The following ADHFE1 variants were observed in gnomAD, a reference collection of about 807,000 sequenced individuals.
ADHFE1 encodes the protein hydroxyacid-oxoacid transhydrogenase, mitochondrial.
In ADHFE1, 37 loss-of-function variants were observed where a neutral mutation model predicts 54.8. The observed-to-expected ratio is 0.68, with a 90% CI of 0.52 to 0.89. The LOEUF is 0.89. Among genes scored for constraint, ADHFE1 ranks in the 40% least tolerant of loss-of-function variants. ADHFE1 has a pLI of 0.00. For missense variants in ADHFE1, 601 were observed against 591.2 expected (o/e 1.02, Z -0.17); for synonymous variants, 203 against 229.3 (o/e 0.89, Z 1.04).
chr8:66,442,992 G>A (rs1436096057), intron 3 of ADHFE1, 148 bp downstream of exon 3: 4 of 716,664 alleles, frequency 5.6e-6, no homozygotes, highest in Admixed American at 3.5e-5. Context: ...ATTTAGCAAA[G>A]TACCTGGTTG....
chr8:66,443,419 AGGT>A (rs1441489083), intron 3 of ADHFE1, among the ~76,000 whole-genome samples: 3 of 151,924 alleles, frequency 2.0e-5, no homozygotes, highest in Non-Finnish European at 2.9e-5. Flanking sequence ...CTGGGATTAC[AGGT>A]GCACACCACC....
chr8:66,456,511 C>T (rs933770517), intron 10 of ADHFE1, among the ~76,000 whole-genome samples: 15 of 152,164 alleles, frequency 9.9e-5, no homozygotes, highest in African/African-American at 2.4e-4. Flanking sequence ...AGTGAATTAC[C>T]GAGTCTTTGA....
intron 13 of ADHFE1, among the ~76,000 whole-genome samples, chr8:66,461,926 C>T (rs1314833139): frequency 3.3e-5 from 5 of 152,126 alleles, no homozygotes; most frequent in Admixed American, 6.5e-5. Flanking sequence ...AACCCACAAA[C>T]CCTTAATTCT....
At chr8:66,465,951 A>G (rs556254176) in intron 13 of ADHFE1, among the ~76,000 whole-genome samples, 2 of 151,540 alleles carry the variant, frequency 1.3e-5, no homozygotes, top group East Asian at 3.9e-4. Context: ...ATGATTTGCA[A>G]TTTTTTTTAA....
At chr8:66,435,784 T>C (rs982813108) in intron 1 of ADHFE1, among the ~76,000 whole-genome samples, 45 of 151,754 alleles carry the variant, frequency 3.0e-4, no homozygotes, top group African/African-American at 9.4e-4. Context: ...GCTGATTTTA[T>C]TTTTTGTAGA....
At chr8:66,451,176 A>T (rs182906931) in intron 8 of ADHFE1, among the ~76,000 whole-genome samples, 1 of 152,364 alleles carries the variant, frequency 6.6e-6, no homozygotes, top group Admixed American at 6.5e-5. Context: ...GCTAGAAGTC[A>T]TGGCAGGCCA....
Position 66,439,857 on chromosome 8 carries a change from T to A in ADHFE1, c.60-305T>A. 1 of 950,974 alleles carries A rather than the reference T, an allele frequency of 1.1e-6. No individual in the cohort carries two copies. Among genetic ancestry groups the A allele is most frequent in the Non-Finnish European group, 1.4e-6 (1 of 738,728 alleles). The allele number at this position is 950,974 out of a possible 1,614,324, so 58.9% of individuals were successfully genotyped here. A position where few individuals can be genotyped will look rare whatever the true frequency, so the allele number is the denominator to read the frequency against. On this transcript the variant is annotated intron_variant, in intron 1 of 13. Coordinates refer to ENST00000396623, the MANE Select transcript of ADHFE1 (RefSeq NM_144650.3). The surrounding 1 kb of genome is among the most constrained non-coding windows in gnomAD (Gnocchi z 4.4). ...TTCATGGAGACCAGAGACCCCCATC[T>A]TAAACTTGCATGTACCCCCAGAGCG...
chr8:66,439,107 C>A lies in ADHFE1; in HGVS notation c.60-1055C>A. On this transcript the variant is annotated intron_variant, in intron 1 of 13. Transcript: ENST00000396623. This position sits in a 1 kb window ranked among gnomAD's most constrained non-coding sequence, Gnocchi z 4.4. ...GAACCACTAGATGGCAGCCGCGACT[C>A]GCGCCAGCTCTCACTCGCCCCCGCG... 7.0e-6 allele frequency: 6 copies of A among 862,272 alleles called. No individual in the cohort carries two copies. Among genetic ancestry groups the A allele is most frequent in the Non-Finnish European group, 8.4e-6 (6 of 717,654 alleles). The allele number at this position is 862,272 out of a possible 1,614,324, so 53.4% of individuals were successfully genotyped here. A position where few individuals can be genotyped will look rare whatever the true frequency, so the allele number is the denominator to read the frequency against.
chr8:66,453,159 G>A (rs558451846), intron 9 of ADHFE1, among the ~76,000 whole-genome samples: 1 of 152,320 alleles, frequency 6.6e-6, no homozygotes, highest in East Asian at 1.9e-4. Context: ...CAGTGGCACA[G>A]CGGTGGTAGA....
chr8:66,466,385 G>C (rs915036309), intron 13 of ADHFE1, among the ~76,000 whole-genome samples: 1 of 151,924 alleles, frequency 6.6e-6, no homozygotes, highest in African/African-American at 2.4e-5. Flanking sequence ...CTGTGCTTCT[G>C]GTGTTACATC....
chr8:66,468,431 T>A lies in ADHFE1; in HGVS notation c.*79T>A. The A allele has an allele frequency of 8.0e-7, 1 of 1,248,470 alleles. No homozygotes were observed. The highest frequency in any genetic ancestry group is 1.1e-6 in the Non-Finnish European group (1 of 897,594). The allele number at this position is 1,248,470 out of a possible 1,614,324, so 77.3% of individuals were successfully genotyped here. Reference sequence around the variant, plus strand: ...AGCTGATCTAGCTAGGGCTTTGTCTTTTCATCTTTGCGCATAACTTACCTG... The same window carrying A: ...AGCTGATCTAGCTAGGGCTTTGTCTATTCATCTTTGCGCATAACTTACCTG... On this transcript the variant is annotated 3_prime_UTR_variant, in exon 14 of 14. Coordinates refer to ENST00000396623, the MANE Select transcript of ADHFE1 (RefSeq NM_144650.3).
Position 66,452,071 on chromosome 8 carries a change from C to G in ADHFE1, c.853C>G (p.His285Asp). 2 of 1,614,210 alleles carry G rather than the reference C, an allele frequency of 1.2e-6. No individual in the cohort carries two copies. Among genetic ancestry groups the G allele is most frequent in the Non-Finnish European group, 1.7e-6 (2 of 1,180,042 alleles). Reference sequence around the variant, plus strand: ...CCCAATCAGTGACATTTGGGCTATCCACGCGCTGCGGATCGTGGCTAAGTA... The same window carrying G: ...CCCAATCAGTGACATTTGGGCTATCGACGCGCTGCGGATCGTGGCTAAGTA... Reference protein sequence around the residue: ...SNPISDIWAIHALRIVAKYLK... With the variant: ...SNPISDIWAIDALRIVAKYLK... The change falls in exon 9 of 14, where the codon CAC becomes GAC. Residue 285 changes from histidine to aspartate, a missense_variant. Coordinates refer to ENST00000396623, the MANE Select transcript of ADHFE1 (RefSeq NM_144650.3).
intron 1 of ADHFE1, among the ~76,000 whole-genome samples, chr8:66,433,885 G>A (rs760760298): frequency 6.6e-6 from 1 of 152,016 alleles, no homozygotes; most frequent in African/African-American, 2.4e-5. Flanking sequence ...TTGTAAACCT[G>A]TGTCATCATA....
intron 13 of ADHFE1, among the ~76,000 whole-genome samples, chr8:66,462,898 T>C (rs1352630524): frequency 6.6e-6 from 1 of 152,176 alleles, no homozygotes; most frequent in Non-Finnish European, 1.5e-5. Flanking sequence ...CTTGGCTCAC[T>C]GCAACCTCTG....
intron 13 of ADHFE1, among the ~76,000 whole-genome samples, chr8:66,462,126 C>T (rs1806933021): frequency 6.6e-6 from 1 of 152,220 alleles, no homozygotes; most frequent in Admixed American, 6.5e-5. Flanking sequence ...CTCCATTCCT[C>T]TCCTCCTAAG....
At chr8:66,461,616 G>A (rs1172428886) in intron 13 of ADHFE1, among the ~76,000 whole-genome samples, 1 of 151,974 alleles carries the variant, frequency 6.6e-6, no homozygotes, top group Non-Finnish European at 1.5e-5. Flanking sequence ...GGGAGTGGTG[G>A]GGACTTTGGT....
intron 10 of ADHFE1, among the ~76,000 whole-genome samples, chr8:66,454,419 T>C (rs1194033975): frequency 2.0e-5 from 3 of 152,198 alleles, no homozygotes; most frequent in Non-Finnish European, 4.4e-5. Context: ...TTTCTTTTTT[T>C]CTTTTTTCCA....
chr8:66,458,545 C>T (rs988395605), intron 12 of ADHFE1, among the ~76,000 whole-genome samples: 1 of 152,082 alleles, frequency 6.6e-6, no homozygotes, highest in Non-Finnish European at 1.5e-5. Flanking sequence ...GAAGAGAGAG[C>T]GCAAATCATA....
In ADHFE1 at chr8:66,456,905, TAAG is replaced by T; in HGVS notation, c.1065+13_1065+15del. ...GGATCACCCACTGGTGGTAAAATCA[TAAG>T]AATAAATTATTTAATTAAATATTAT... is the stretch of plus-strand genomic sequence containing the variant. On this transcript the variant is annotated intron_variant, in intron 11 of 13. Coordinates refer to ENST00000396623, the MANE Select transcript of ADHFE1 (RefSeq NM_144650.3). 6.7e-7 allele frequency: 1 copy of T among 1,499,592 alleles called. No homozygotes were observed. The highest frequency in any genetic ancestry group is 8.9e-7 in the Non-Finnish European group (1 of 1,122,696). The allele number at this position is 1,499,592 out of a possible 1,614,324, so 92.9% of individuals were successfully genotyped here. A position where few individuals can be genotyped will look rare whatever the true frequency, so the allele number is the denominator to read the frequency against.
Sources: gnomAD v4.1 joint callset for allele counts (sites outside exome capture counted in the v4.1 genomes callset) on GRCh38, gnomAD v4.1.1 for gene constraint, Gnocchi (gnomAD v3.1) non-coding constraint, MANE v1.5 for transcripts, NCBI Gene and HGNC (gene_info 2026-07-23, HGNC 2026-07-21) for gene names.